Variants in ITLN1 observed in about 807,000 individuals in gnomAD.
The protein encoded by ITLN1 is intelectin-1.
In ITLN1, 29 loss-of-function variants were observed where a neutral mutation model predicts 36.2. The observed-to-expected ratio is 0.80, with a 90% CI of 0.60 to 1.09. The LOEUF is 1.09. Among genes scored for constraint, ITLN1 ranks in the 50% least tolerant of loss-of-function variants. ITLN1 has a pLI of 0.00. For missense variants in ITLN1, 358 were observed against 405.2 expected (o/e 0.88, Z 1.00); for synonymous variants, 143 against 146.5 (o/e 0.98, Z 0.17).
At chr1:160,884,250 A>C (rs1195086437) in intron 2 of ITLN1, among the ~76,000 whole-genome samples, 1 of 152,128 alleles carries the variant, frequency 6.6e-6, no homozygotes. Context: ...ACTAATCTCT[A>C]CTCCAAAAAG....
chr1:160,880,664 G>A lies in ITLN1; in HGVS notation c.609C>T (p.Asn203=), dbSNP rs764377489. 5.7e-5 allele frequency: 92 copies of A among 1,613,884 alleles called. No homozygotes were observed. The Admixed American group carries it at 7.3e-4, about 13-fold the overall frequency. The stretch of plus-strand genomic sequence containing the variant: ...CATAGACCACAGGGATCACCGGGCC[G>A]TTGTCAGTCCAACACTTTCCTTCTC... ...KYGEGKCWTD[N]GPVIPVVYDF... Residue 203 remains asparagine, a synonymous_variant, in exon 6 of 8, where the codon AAC becomes AAT. Transcript: ENST00000326245.
chr1:160,885,096 A>G lies in ITLN1; in HGVS notation c.-42T>C, dbSNP rs1003177103. On this transcript the variant is annotated 5_prime_UTR_variant, in exon 1 of 8. Transcript: ENST00000326245. The stretch of plus-strand genomic sequence containing the variant: ...TCTCAGCTGCACTTTCCTTGGGTAC[A>G]GAGAGCTCCTTCACTCCCTCCCTCC... 5.5e-5 allele frequency: 27 copies of G among 487,340 alleles called. No individual in the cohort carries two copies. Among genetic ancestry groups the G allele is most frequent in the Admixed American group, 4.4e-4 (14 of 31,590 alleles). 30.2% of individuals were successfully genotyped at this position (487,340 alleles called of 1,614,324 possible).
chr1:160,884,694 C>T (rs1254921425), intron 2 of ITLN1, 126 bp downstream of exon 2: 1 of 658,878 alleles, frequency 1.5e-6, no homozygotes, highest in Non-Finnish European at 2.7e-6. Context: ...GACCAGAAAT[C>T]GGCACTCAGT....
At chr1:160,879,264 A>G in intron 7 of ITLN1, 47 bp downstream of exon 7, 4 of 1,369,428 alleles carry the variant, frequency 2.9e-6, no homozygotes, top group Non-Finnish European at 4.2e-6. Flanking sequence ...ACACACGGAC[A>G]AACTCGACCT....
At chr1:160,881,741 G>A (rs1670681723) in intron 4 of ITLN1, among the ~76,000 whole-genome samples, 1 of 149,730 alleles carries the variant, frequency 6.7e-6, no homozygotes, top group Non-Finnish European at 1.5e-5. Context: ...GGCCGTGGTT[G>A]CTATGAGCCG....
At chr1:160,879,856 C>A (rs569264223) in intron 6 of ITLN1, among the ~76,000 whole-genome samples, 14 of 152,158 alleles carry the variant, frequency 9.2e-5, no homozygotes, top group Non-Finnish European at 2.9e-5. Context: ...CTCTGCGGAG[C>A]GTACTATGCT....
chr1:160,879,201 ACG>A, intron 7 of ITLN1, 108 bp downstream of exon 7: 1 of 817,052 alleles, frequency 1.2e-6, no homozygotes, highest in South Asian at 1.5e-5. Flanking sequence ...ACTCCCACAC[ACG>A]TACACACACA....
chr1:160,881,432 C>A, intron 4 of ITLN1, 120 bp from the exon 5 acceptor site: 2 of 1,187,968 alleles, frequency 1.7e-6, no homozygotes, highest in East Asian at 2.7e-5. Flanking sequence ...AGATGGCCAA[C>A]CATACTCAGA....
chr1:160,881,806 A>G, intron 4 of ITLN1, 151 bp downstream of exon 4: 1 of 78,870 alleles, frequency 1.3e-5, no homozygotes, highest in Non-Finnish European at 2.2e-5. Context: ...CGTCTCAAGA[A>G]AAAAAAAAAA....
At chr1:160,881,448 C>T (rs1557856093) in intron 4 of ITLN1, 136 bp from the exon 5 acceptor site, 4 of 954,960 alleles carry the variant, frequency 4.2e-6, no homozygotes, top group Non-Finnish European at 5.9e-6. Flanking sequence ...TCAGACACCC[C>T]ACTCCCAGCC....
intron 2 of ITLN1, 129 bp from the exon 3 acceptor site, chr1:160,883,655 G>C: frequency 1.6e-6 from 1 of 616,256 alleles, no homozygotes; most frequent in African/African-American, 1.8e-5. Flanking sequence ...GCCTGAGACA[G>C]CCAGTGTCAT....
At chr1:160,876,912 A>T in intron 7 of ITLN1, 96 bp from the exon 8 acceptor site, 1 of 1,246,730 alleles carries the variant, frequency 8.0e-7, no homozygotes. Context: ...TTTGGTCCTC[A>T]TCAGACTCTC....
intron 4 of ITLN1, 71 bp from the exon 5 acceptor site, chr1:160,881,383 C>T: frequency 6.7e-7 from 1 of 1,485,518 alleles, no homozygotes; most frequent in Non-Finnish European, 9.0e-7. Flanking sequence ...ACACATGCAA[C>T]TTCAGCTGGA....
At chr1:160,880,808 T>TCTC in intron 5 of ITLN1, 100 bp from the exon 6 acceptor site, 1 of 1,345,900 alleles carries the variant, frequency 7.4e-7, no homozygotes, top group Non-Finnish European at 1.0e-6. Flanking sequence ...AACAATGCTT[T>TCTC]CTCAGTAACT....
intron 6 of ITLN1, among the ~76,000 whole-genome samples, chr1:160,880,317 A>G (rs1670655282): frequency 6.6e-6 from 1 of 151,380 alleles, no homozygotes; most frequent in African/African-American, 2.4e-5. Context: ...AAAAAAAAAA[A>G]AGTCTGGAGC....
At position 160,883,542 on chromosome 1, in the gene ITLN1, G is replaced by A. The variant is rs765259765; in HGVS notation, c.59-16C>T. 1.3e-6 allele frequency: 2 copies of A among 1,533,738 alleles called. No individual in the cohort carries two copies. Among genetic ancestry groups the A allele is most frequent in the East Asian group, 2.3e-5 (1 of 44,366 alleles). ...TTAGCCTCATCTAGGGAATACACAGGGTTTATTCTCATTCCCGGTTTGACA... is the reference window on the plus strand; with the variant it reads ...TTAGCCTCATCTAGGGAATACACAGAGTTTATTCTCATTCCCGGTTTGACA... On this transcript the variant is annotated splice_polypyrimidine_tract_variant and intron_variant, in intron 2 of 7. Coordinates refer to ENST00000326245, the MANE Select transcript of ITLN1 (RefSeq NM_017625.3).
intron 7 of ITLN1, among the ~76,000 whole-genome samples, chr1:160,878,822 G>A (rs1670634661): frequency 6.6e-6 from 1 of 152,122 alleles, no homozygotes; most frequent in African/African-American, 2.4e-5. Flanking sequence ...CCTGAGTGAG[G>A]TTTCTAGAAG....
At chr1:160,882,636 A>G (rs1044180597) in intron 3 of ITLN1, among the ~76,000 whole-genome samples, 2 of 152,166 alleles carry the variant, frequency 1.3e-5, no homozygotes, top group Non-Finnish European at 2.9e-5. Context: ...GCATATATGT[A>G]TCTGCAGTGG....
intron 2 of ITLN1, among the ~76,000 whole-genome samples, chr1:160,883,864 G>C (rs1670717679): frequency 6.6e-6 from 1 of 152,228 alleles, no homozygotes; most frequent in Non-Finnish European, 1.5e-5. Flanking sequence ...AGAGGGAATT[G>C]CTAACAAGTC....
Sources: gnomAD v4.1 joint callset for allele counts (sites outside exome capture counted in the v4.1 genomes callset) on GRCh38, gnomAD v4.1.1 for gene constraint, MANE v1.5 for transcripts, NCBI Gene and HGNC (gene_info 2026-07-23, HGNC 2026-07-21) for gene names.